Variants in PDE3B observed in about 807,000 individuals in gnomAD.
PDE3B encodes cGMP-inhibited 3',5'-cyclic phosphodiesterase 3B.
A neutral mutation model predicts 116.8 loss-of-function variants in PDE3B; 66 were observed. The observed-to-expected ratio is 0.56, with a 90% CI of 0.46 to 0.69. PDE3B has a LOEUF of 0.69. PDE3B is among the 30% of genes least tolerant of loss of function. The pLI is 0.00. For missense variants in PDE3B, 1,384 were observed against 1,368.1 expected (o/e 1.01, Z -0.18); for synonymous variants, 595 against 533.6 (o/e 1.12, Z -1.59).
chr11:14,687,861 T>C (rs368659809), intron 1 of PDE3B, among the ~76,000 whole-genome samples: 7 of 152,304 alleles, frequency 4.6e-5, no homozygotes, highest in African/African-American at 1.7e-4. Context: ...TGGATGCTAA[T>C]TGGAACTCCT....
At chr11:14,882,105 C>G in the PDE3B span, among the ~76,000 whole-genome samples, 1 of 152,044 alleles carries the variant, frequency 6.6e-6, no homozygotes, top group Non-Finnish European at 1.5e-5. Flanking sequence ...TCTATACTCC[C>G]AGATGACTAT....
At chr11:14,675,569 T>C (rs1019935715) in intron 1 of PDE3B, among the ~76,000 whole-genome samples, 14 of 152,120 alleles carry the variant, frequency 9.2e-5, no homozygotes, top group African/African-American at 3.4e-4. Flanking sequence ...TATTGCCATG[T>C]ATTTGTTTTA....
chr11:14,836,814 C>G lies in PDE3B; in HGVS notation c.2320+1719C>G, dbSNP rs192816187. 5.3e-5 allele frequency among the ~76,000 whole-genome samples: 8 copies of G among 152,244 alleles called. No individual in the cohort carries two copies. In the South Asian group the frequency reaches 8.3e-4, roughly 16 times the overall value. On this transcript the variant is annotated intron_variant, in intron 11 of 15. Transcript: ENST00000282096. ...CTCATGGCCCTTTCTTTCTTTCTTT[C>G]TTTGTTTATTTTGGAGACGGTGTCT...
intron 1 of PDE3B, among the ~76,000 whole-genome samples, chr11:14,663,495 T>C (rs1426895101): frequency 4.0e-5 from 6 of 151,384 alleles, no homozygotes; most frequent in Admixed American, 1.3e-4. Flanking sequence ...AATGCTCCAA[T>C]TAAAAGACAC....
At chr11:14,848,341 A>AATT (rs1847658971) in intron 12 of PDE3B, among the ~76,000 whole-genome samples, 3 of 142,424 alleles carry the variant, frequency 2.1e-5, no homozygotes, top group Non-Finnish European at 4.6e-5. Context: ...ACGTATCTCA[A>AATT]AATAATAAGA....
chr11:14,883,512 A>G, the PDE3B span, among the ~76,000 whole-genome samples: 1 of 151,096 alleles, frequency 6.6e-6, no homozygotes, highest in South Asian at 2.1e-4. Context: ...TCCCTTCCTT[A>G]CACCTTATAC....
rs541980553 is a variant in PDE3B at position 14,833,111 on chromosome 11, C to A, written c.2206+278C>A. Among the ~76,000 whole-genome samples, 4 of 152,094 alleles carry A rather than the reference C, an allele frequency of 2.6e-5. No individual in the cohort carries two copies. In the East Asian group the frequency reaches 5.8e-4, roughly 22 times the overall value. The stretch of plus-strand genomic sequence containing the variant: ...GGATTACAGGTGCCCGCCACCACAC[C>A]CAGCTAATTTTTTATATTTTTAGTA... On this transcript the variant is annotated intron_variant, in intron 10 of 15. Coordinates refer to ENST00000282096, the MANE Select transcript of PDE3B (RefSeq NM_000922.4).
chr11:14,890,827 C>T, the PDE3B span: 16 of 978,560 alleles, frequency 1.6e-5, no homozygotes, highest in South Asian at 7.6e-4. Flanking sequence ...GGATTATAGG[C>T]GTGAGCCACC....
At chr11:14,789,052 ATATATAGCATAT>A in intron 3 of PDE3B, 42 bp from the exon 4 acceptor site, 1 of 1,295,010 alleles carries the variant, frequency 7.7e-7, no homozygotes, top group Non-Finnish European at 1.1e-6. Context: ...CTAATATTAC[ATATATAGCATAT>A]TAAAGAGTGA....
At position 14,643,931 on chromosome 11, in the gene PDE3B, C is replaced by T. The variant is rs563588683; in HGVS notation, c.-145C>T. 6.4e-6 allele frequency: 8 copies of T among 1,242,268 alleles called. No homozygotes were observed. The African/African-American group carries it at 7.9e-5, about 12-fold the overall frequency. 77.0% of individuals were successfully genotyped at this position (1,242,268 alleles called of 1,614,324 possible). ...CGCTCCTCAGTCCGCGCGGTGGGGA[C>T]CCCGGGCCGTGGCGGCCGGCGCAGC... On this transcript the variant is annotated 5_prime_UTR_variant, in exon 1 of 16. Coordinates refer to ENST00000282096, the MANE Select transcript of PDE3B (RefSeq NM_000922.4).
At chr11:14,883,556 C>T in the PDE3B span, among the ~76,000 whole-genome samples, 28 of 151,666 alleles carry the variant, frequency 1.8e-4, no homozygotes, top group South Asian at 3.3e-3. Context: ...AAGACTTAAA[C>T]GTTAGACCTA....
At chr11:14,711,333 G>T (rs980782215) in intron 1 of PDE3B, among the ~76,000 whole-genome samples, 20 of 152,308 alleles carry the variant, frequency 1.3e-4, no homozygotes, top group African/African-American at 4.6e-4. Flanking sequence ...AGCTTAAGAG[G>T]TGACCCAGAA....
chr11:14,811,968 T>C (rs1859147758), intron 5 of PDE3B, among the ~76,000 whole-genome samples: 1 of 152,190 alleles, frequency 6.6e-6, no homozygotes, highest in Non-Finnish European at 1.5e-5. Context: ...ATAAGAATGC[T>C]TGTGATTTTT....
chr11:14,788,415 CCTTGGGAAA>C (rs1858279943), intron 3 of PDE3B, among the ~76,000 whole-genome samples: 1 of 151,856 alleles, frequency 6.6e-6, no homozygotes, highest in South Asian at 2.1e-4. Context: ...AAATCAGTGT[CCTTGGGAAA>C]ACTGAAATAT....
intron 5 of PDE3B, among the ~76,000 whole-genome samples, chr11:14,807,361 G>A (rs1858972611): frequency 6.6e-6 from 1 of 152,018 alleles, no homozygotes; most frequent in African/African-American, 2.4e-5. Context: ...GTAGTCAAGG[G>A]GTAAATGGAA....
intron 4 of PDE3B, among the ~76,000 whole-genome samples, chr11:14,790,908 C>G (rs1052307248): frequency 3.3e-5 from 5 of 152,044 alleles, no homozygotes; most frequent in Non-Finnish European, 7.4e-5. Context: ...ATTCAAATCT[C>G]TGGATCAGTG....
chr11:14,895,731 C>A, the PDE3B span, among the ~76,000 whole-genome samples: 3 of 152,196 alleles, frequency 2.0e-5, no homozygotes, highest in East Asian at 5.8e-4. Flanking sequence ...GAAGTTCAGT[C>A]TTTACAAATT....
At chr11:14,809,569 T>C (rs960449563) in intron 5 of PDE3B, among the ~76,000 whole-genome samples, 7 of 152,200 alleles carry the variant, frequency 4.6e-5, no homozygotes, top group African/African-American at 1.7e-4. Flanking sequence ...TTGCTATGGT[T>C]TTAATGCTTG....
chr11:14,849,838 A>G (rs892935716), intron 12 of PDE3B, among the ~76,000 whole-genome samples: 5 of 151,898 alleles, frequency 3.3e-5, no homozygotes, highest in South Asian at 4.2e-4. Flanking sequence ...TCAGGAAACA[A>G]CAGGTGCTGG....
Sources: gnomAD v4.1 joint callset for allele counts (sites outside exome capture counted in the v4.1 genomes callset) on GRCh38, gnomAD v4.1.1 for gene constraint, MANE v1.5 for transcripts, NCBI Gene and HGNC (gene_info 2026-07-23, HGNC 2026-07-21) for gene names.